The following SPATA6 variants were observed in gnomAD, a reference collection of about 807,000 sequenced individuals.
SPATA6 encodes spermatogenesis-associated protein 6.
In SPATA6, 56 loss-of-function variants were observed where a neutral mutation model predicts 65.3. The observed-to-expected ratio is 0.86, with a 90% CI of 0.69 to 1.07. SPATA6 has a LOEUF of 1.07. SPATA6 is among the 50% of genes least tolerant of loss of function. The pLI is 0.00. For synonymous variants in SPATA6, 199 were observed against 213.2 expected, an observed-to-expected ratio of 0.93 and a Z score of 0.58; for missense variants, 590 against 594.8, an observed-to-expected ratio of 0.99 and a Z score of 0.08.
At chr1:48,417,001 G>A (rs184781502) in intron 3 of SPATA6, among the ~76,000 whole-genome samples, 1 of 152,012 alleles carries the variant, frequency 6.6e-6, no homozygotes, top group Non-Finnish European at 1.5e-5. Flanking sequence ...ATACCAAGTG[G>A]TGAAAGTTAA....
intron 11 of SPATA6, among the ~76,000 whole-genome samples, chr1:48,329,952 AG>A (rs1645868165): frequency 6.6e-6 from 1 of 152,218 alleles, no homozygotes; most frequent in Non-Finnish European, 1.5e-5. Context: ...GACATTTTGC[AG>A]GGGGAACTTC....
At chr1:48,361,858 A>T (rs1324293089) in intron 9 of SPATA6, among the ~76,000 whole-genome samples, 1 of 152,180 alleles carries the variant, frequency 6.6e-6, no homozygotes, top group Non-Finnish European at 1.5e-5. Context: ...TTCCAAAATT[A>T]CAACAAATAA....
rs374249843 is a variant in SPATA6, at chr1:48,305,814, G to A, written c.1259C>T (p.Ser420Phe). Residue 420 changes from serine (S) to phenylalanine (F), a missense_variant, in exon 12 of 13, where the codon TCT becomes TTT. By Grantham distance (155) the Ser-to-Phe change is radical (BLOSUM62 -2). Transcript: ENST00000371847. Reference protein sequence around the residue: ...ELKRSLLCRDSAYDSDPEYSS... With the variant: ...ELKRSLLCRDFAYDSDPEYSS... ...ATACTCGGGGTCACTGTCATAGGCA[G>A]AGTCTCTACATAAAAGACTTCTTTT... The A allele has an allele frequency of 5.0e-6, 8 of 1,611,902 alleles. No individual in the cohort carries two copies. Among genetic ancestry groups the A allele is most frequent in the African/African-American group, 4.0e-5 (3 of 74,788 alleles).
chr1:48,436,959 C>T (rs1338776733), intron 3 of SPATA6: 20 of 1,612,576 alleles, frequency 1.2e-5, no homozygotes, highest in African/African-American at 4.0e-5. Flanking sequence ...ACCGATTACA[C>T]ACACCATCCT....
At chr1:48,401,497 C>T (rs1258053758) in intron 6 of SPATA6, among the ~76,000 whole-genome samples, 1 of 152,030 alleles carries the variant, frequency 6.6e-6, no homozygotes, top group Non-Finnish European at 1.5e-5. Flanking sequence ...AATGGACTGA[C>T]CATGTGACTT....
intron 11 of SPATA6, chr1:48,325,671 C>T (rs1645737425): frequency 4.9e-6 from 3 of 610,190 alleles, no homozygotes; most frequent in Admixed American, 4.7e-5. Flanking sequence ...CCCAGTAAGC[C>T]CCTGAGTTAA....
the SPATA6 span, chr1:48,262,704 C>G: frequency 1.3e-5 from 2 of 152,082 alleles, no homozygotes; most frequent in African/African-American, 4.8e-5. Context: ...TTTAAAAATG[C>G]AAGAATATTG....
At chr1:48,361,447 G>A (rs776884177) in intron 9 of SPATA6, among the ~76,000 whole-genome samples, 1 of 152,004 alleles carries the variant, frequency 6.6e-6, no homozygotes, top group Middle Eastern at 3.2e-3. Context: ...TAGCTTTAAC[G>A]GAGTGACAAG....
chr1:48,282,922 T>G, the SPATA6 span, among the ~76,000 whole-genome samples: 7 of 151,956 alleles, frequency 4.6e-5, no homozygotes, highest in Non-Finnish European at 8.8e-5. Flanking sequence ...AGCAAAGACT[T>G]TGAACCAATC....
downstream of SPATA6, among the ~76,000 whole-genome samples, chr1:48,294,650 T>C (rs72887991): frequency 0.025 from 3,747 of 152,300 alleles, 100 homozygotes; most frequent in African/African-American, 0.067. Context: ...TTAAACTCCA[T>C]CTCCACTCTT....
At chr1:48,389,825 C>A (rs1449625213) in intron 8 of SPATA6, among the ~76,000 whole-genome samples, 2 of 152,102 alleles carry the variant, frequency 1.3e-5, no homozygotes, top group Non-Finnish European at 2.9e-5. Context: ...CCTTTACCAT[C>A]TTGAAAACAC....
chr1:48,384,592 A>T (rs1649258620), intron 9 of SPATA6, among the ~76,000 whole-genome samples: 1 of 152,114 alleles, frequency 6.6e-6, no homozygotes, highest in African/African-American at 2.4e-5. Flanking sequence ...GAAGATATAC[A>T]GATTTTACAT....
intron 7 of SPATA6, among the ~76,000 whole-genome samples, chr1:48,397,630 T>C (rs1014084954): frequency 3.3e-5 from 5 of 151,696 alleles, no homozygotes; most frequent in Admixed American, 3.3e-4. Flanking sequence ...ATGCATGTAT[T>C]AAGTTAAAAC....
intron 11 of SPATA6, among the ~76,000 whole-genome samples, chr1:48,340,970 C>T (rs1234068962): frequency 6.6e-6 from 1 of 152,138 alleles, no homozygotes; most frequent in Admixed American, 6.6e-5. Context: ...CTTTCTAAAC[C>T]TATATGTATC....
At chr1:48,419,409 G>A (rs1557687846) in intron 3 of SPATA6, among the ~76,000 whole-genome samples, 1 of 152,220 alleles carries the variant, frequency 6.6e-6, no homozygotes, top group East Asian at 1.9e-4. Context: ...GCTAGAGGGA[G>A]ACAAGGATGA....
At chr1:48,429,402 C>G (rs111414983) in intron 3 of SPATA6, among the ~76,000 whole-genome samples, 1 of 152,062 alleles carries the variant, frequency 6.6e-6, no homozygotes, top group Non-Finnish European at 1.5e-5. Context: ...TCCGAAAATA[C>G]TTAAGGAGAC....
chr1:48,309,525 A>G, intron 11 of SPATA6, among the ~76,000 whole-genome samples: 1 of 152,164 alleles, frequency 6.6e-6, no homozygotes, highest in East Asian at 1.9e-4. Context: ...TTTATATTTT[A>G]TGAGACATAA....
chr1:48,263,131 T>C, the SPATA6 span: 3 of 152,162 alleles, frequency 2.0e-5, no homozygotes, highest in Non-Finnish European at 4.4e-5. Context: ...CCAATGGATA[T>C]ACTTTTCTAT....
chr1:48,276,332 T>G, the SPATA6 span, among the ~76,000 whole-genome samples: 1 of 152,068 alleles, frequency 6.6e-6, no homozygotes, highest in Non-Finnish European at 1.5e-5. Context: ...CATGTCTCTT[T>G]CTCATTCAGT....
Sources: allele counts gnomAD v4.1 joint callset (sites outside exome capture counted in the v4.1 genomes callset), GRCh38; gene constraint gnomAD v4.1.1; transcripts MANE v1.5; gene names NCBI Gene and HGNC (gene_info 2026-07-23, HGNC 2026-07-21).